GADL1: variants seen among roughly 807,000 people sequenced by gnomAD.
GADL1 encodes GAD like acidic amino acid decarboxylase 1, also known as acidic amino acid decarboxylase GADL1.
Under a neutral mutation model 69.5 loss-of-function variants are expected in GADL1, and 71 were observed. The observed-to-expected ratio is 1.02, with a 90% CI of 0.84 to 1.25. GADL1 has a LOEUF of 1.25. Ranked by LOEUF, GADL1 falls within the 50% of genes most tolerant of loss-of-function variation. The probability of loss-of-function intolerance (pLI) is 0.00; values close to 1 mark genes in which losing one functional copy is unlikely to be tolerated. For missense variants in GADL1, 737 were observed against 631.8 expected (o/e 1.17, Z -1.79); for synonymous variants, 254 against 214.4 (o/e 1.18, Z -1.62).
intron 14 of GADL1, among the ~76,000 whole-genome samples, chr3:30,733,973 A>T (rs1029734316): frequency 2.0e-5 from 3 of 152,180 alleles, no homozygotes; most frequent in African/African-American, 7.2e-5. Flanking sequence ...CTCAGGAGAA[A>T]TTAGCCACAG....
chr3:30,894,572 C>T lies in GADL1; in HGVS notation c.37+6G>A, dbSNP rs530491748. ...GACAAAAACCGCAGCCGCGCTGAGT[C>T]GTTACCGTCCACAGGACACTGGCGG... On this transcript the variant is annotated splice_donor_region_variant and intron_variant, in intron 1 of 14. Transcript: ENST00000282538. 77 of 1,549,338 alleles carry T rather than the reference C, an allele frequency of 5.0e-5. No individual in the cohort carries two copies. Among genetic ancestry groups the T allele is most frequent in the Admixed American group, 2.0e-4 (10 of 50,874 alleles).
intron 11 of GADL1, among the ~76,000 whole-genome samples, chr3:30,804,712 G>GCTAT (rs1464894999): frequency 1.3e-5 from 2 of 152,180 alleles, no homozygotes; most frequent in Non-Finnish European, 2.9e-5. Context: ...ACTTGTCCAT[G>GCTAT]CTATATTCAG....
At chr3:30,862,330 A>C (rs1698332662) in intron 1 of GADL1, among the ~76,000 whole-genome samples, 1 of 152,008 alleles carries the variant, frequency 6.6e-6, no homozygotes, top group African/African-American at 2.4e-5. Flanking sequence ...AAGGATGAGG[A>C]GAAAGCCCTT....
At chr3:30,835,449 C>T (rs1226658690) in intron 9 of GADL1, among the ~76,000 whole-genome samples, 3 of 152,024 alleles carry the variant, frequency 2.0e-5, no homozygotes, top group African/African-American at 4.8e-5. Flanking sequence ...AGTATCTCCA[C>T]GATCCTCAGA....
chr3:30,771,045 T>C (rs1696409562), intron 14 of GADL1, among the ~76,000 whole-genome samples: 2 of 152,262 alleles, frequency 1.3e-5, no homozygotes, highest in Admixed American at 6.5e-5. Flanking sequence ...AACTTCCCGT[T>C]AAACATGCGC....
chr3:30,748,244 A>C (rs1160352133), intron 14 of GADL1, among the ~76,000 whole-genome samples: 1 of 152,034 alleles, frequency 6.6e-6, no homozygotes, highest in African/African-American at 2.4e-5. Flanking sequence ...TCCCACATCA[A>C]CTCCTGGTTC....
chr3:30,816,530 C>CTTTTTTTTTTTT lies in GADL1; in HGVS notation c.1051-15454_1051-15443dup, dbSNP rs773530741. On this transcript the variant is annotated intron_variant, in intron 11 of 14. Transcript: ENST00000282538. ...AGACCATATATTCTTAATTTGTTTT[C>CTTTTTTTTTTTT]TTTTTTTTTTTTTTTTTTTTTTTTT... Among the ~76,000 whole-genome samples the CTTTTTTTTTTTT allele has an allele frequency of 6.7e-4, 36 of 53,988 alleles. 8 individuals carry two copies. The highest frequency in any genetic ancestry group is 1.0e-3 in the Non-Finnish European group (26 of 25,434). 35.4% of individuals were successfully genotyped at this position (53,988 alleles called of 152,430 possible). A position where few individuals can be genotyped will look rare whatever the true frequency, so the allele number is the denominator to read the frequency against.
chr3:30,807,361 C>T (rs1377253025), intron 11 of GADL1, among the ~76,000 whole-genome samples: 1 of 152,118 alleles, frequency 6.6e-6, no homozygotes, highest in Non-Finnish European at 1.5e-5. Context: ...ATGTATTTGC[C>T]AGTTATACAG....
At chr3:30,757,039 C>T (rs1183850364) in intron 14 of GADL1, among the ~76,000 whole-genome samples, 1 of 152,164 alleles carries the variant, frequency 6.6e-6, no homozygotes, top group Non-Finnish European at 1.5e-5. Flanking sequence ...CCTCAGCTTC[C>T]TCCATTTCCA....
At chr3:30,765,866 CTG>C (rs1696264028) in intron 14 of GADL1, among the ~76,000 whole-genome samples, 1 of 152,150 alleles carries the variant, frequency 6.6e-6, no homozygotes, top group South Asian at 2.1e-4. Context: ...CATAATTTGT[CTG>C]TTTCTCTCGC....
intron 3 of GADL1, among the ~76,000 whole-genome samples, chr3:30,855,182 G>A (rs549094637): frequency 7.9e-5 from 12 of 152,152 alleles, no homozygotes; most frequent in South Asian, 2.1e-4. Flanking sequence ...AGGATCATGC[G>A]CAAGGAAAAA....
chr3:30,890,009 A>G (rs1052968816), intron 1 of GADL1, among the ~76,000 whole-genome samples: 6 of 152,178 alleles, frequency 3.9e-5, no homozygotes, highest in African/African-American at 1.4e-4. Context: ...TTGTCCAAAC[A>G]TGAAATGCAT....
At chr3:30,861,260 G>A (rs1471487942) in intron 2 of GADL1, among the ~76,000 whole-genome samples, 1 of 151,416 alleles carries the variant, frequency 6.6e-6, no homozygotes, top group Non-Finnish European at 1.5e-5. Flanking sequence ...TTAGAGAGTT[G>A]CGTAAGTGAG....
intron 14 of GADL1, among the ~76,000 whole-genome samples, chr3:30,773,166 A>G (rs1366171853): frequency 6.6e-6 from 1 of 152,210 alleles, no homozygotes. Flanking sequence ...AATATTTAAA[A>G]CCTTAAAATT....
intron 14 of GADL1, among the ~76,000 whole-genome samples, chr3:30,771,086 TTGG>T (rs144454039): frequency 0.01 from 1,552 of 152,330 alleles, 27 homozygotes; most frequent in African/African-American, 0.035. Context: ...GAACTTTTTG[TTGG>T]TTGGAATTGT....
chr3:30,768,365 T>C (rs1213649511), intron 14 of GADL1, among the ~76,000 whole-genome samples: 4 of 152,142 alleles, frequency 2.6e-5, no homozygotes, highest in Admixed American at 1.3e-4. Flanking sequence ...GGGCAAGCCA[T>C]TTGAAGATTT....
At chr3:30,828,480 G>C (rs28445253) in intron 11 of GADL1, among the ~76,000 whole-genome samples, 1 of 23,450 alleles carries the variant, frequency 4.3e-5, no homozygotes, top group Admixed American at 3.2e-4. Context: ...AAATAAAAGT[G>C]GGGGGGGTGC....
chr3:30,832,153 T>C (rs189061023), intron 11 of GADL1, among the ~76,000 whole-genome samples: 12 of 151,998 alleles, frequency 7.9e-5, no homozygotes, highest in African/African-American at 2.9e-4. Flanking sequence ...CCACATCTCA[T>C]ATCTCATGGT....
chr3:30,869,057 G>A (rs777081433), intron 1 of GADL1, among the ~76,000 whole-genome samples: 1 of 141,646 alleles, frequency 7.1e-6, no homozygotes, highest in Non-Finnish European at 1.5e-5. Context: ...CACCCAGCCT[G>A]GTGCCTGTGG....
Sources: allele counts gnomAD v4.1 joint callset (sites outside exome capture counted in the v4.1 genomes callset), GRCh38; gene constraint gnomAD v4.1.1; transcripts MANE v1.5; gene names NCBI Gene and HGNC (gene_info 2026-07-23, HGNC 2026-07-21).